The following C6orf58 variants were observed in gnomAD, a reference collection of about 807,000 sequenced individuals.
C6orf58 encodes chromosome 6 open reading frame 58.
Under a neutral mutation model 37.0 loss-of-function variants are expected in C6orf58, and 30 were observed. That is an observed-to-expected ratio of 0.81 (90% CI 0.61 to 1.10). The LOEUF is 1.10. Among genes scored for constraint, C6orf58 ranks in the 50% least tolerant of loss-of-function variants. The probability of loss-of-function intolerance (pLI) is 0.00; values close to 1 mark genes in which losing one functional copy is unlikely to be tolerated. For synonymous variants in C6orf58, 143 were observed against 134.1 expected (o/e 1.07, Z -0.46); for missense variants, 368 against 387.5 (o/e 0.95, Z 0.42).
chr6:127,577,502 G>T lies in C6orf58; in HGVS notation c.301+16G>T. ...TATAGGACAGGTAAGAATGACTCTT[G>T]TTTTCATTGTAATGATCTACCGATA... On this transcript the variant is annotated intron_variant, in intron 1 of 5. Coordinates refer to ENST00000329722, the MANE Select transcript of C6orf58 (RefSeq NM_001010905.3). 1 of 1,609,140 alleles carries T rather than the reference G, an allele frequency of 6.2e-7. No individual in the cohort carries two copies. The highest frequency in any genetic ancestry group is 1.7e-4 in the Middle Eastern group (1 of 6,024).
chr6:127,580,443 T>C lies in C6orf58; in HGVS notation c.567T>C (p.Phe189=), dbSNP rs1274305552. ...AGACAATGAACAAGTGGAACACCTT[T>C]TACCAGGTTCCTTCTTTATACTCTT... The part of the protein sequence containing the change: ...FPETMNKWNT[F]YQYLQSPFSK... The change falls in exon 3 of 6, where the codon TTT becomes TTC. Residue 189 remains phenylalanine (F), a synonymous_variant. Transcript: ENST00000329722. 12 of 1,610,624 alleles carry C rather than the reference T, an allele frequency of 7.5e-6. No individual in the cohort carries two copies. The highest frequency in any genetic ancestry group is 1.3e-5 in the African/African-American group (1 of 74,950).
intron 4 of C6orf58, among the ~76,000 whole-genome samples, chr6:127,587,022 C>A (rs1355033348): frequency 6.6e-6 from 1 of 152,154 alleles, no homozygotes; most frequent in East Asian, 1.9e-4. Context: ...AGACTTAAAT[C>A]GAGGAGAATT....
At chr6:127,581,024 G>C (rs1161978173) in intron 3 of C6orf58, among the ~76,000 whole-genome samples, 158 bp from the exon 4 acceptor site, 4 of 152,160 alleles carry the variant, frequency 2.6e-5, no homozygotes, top group South Asian at 4.1e-4. Context: ...GTTATTTAAA[G>C]AGTGTTAGGC....
chr6:127,583,776 T>C (rs962017991), intron 4 of C6orf58, among the ~76,000 whole-genome samples: 28 of 152,332 alleles, frequency 1.8e-4, no homozygotes, highest in African/African-American at 6.5e-4. Context: ...GCAAAGGGCT[T>C]CTTTTATCTG....
intron 4 of C6orf58, among the ~76,000 whole-genome samples, chr6:127,588,876 T>C (rs1250652410): frequency 6.6e-6 from 1 of 152,188 alleles, no homozygotes; most frequent in Non-Finnish European, 1.5e-5. Context: ...TCATCTTTGC[T>C]TGGTAGGTGA....
intron 4 of C6orf58, 121 bp downstream of exon 4, chr6:127,581,403 C>G (rs1396647537): frequency 5.2e-6 from 2 of 388,054 alleles, no homozygotes; most frequent in Non-Finnish European, 9.0e-6. Context: ...ATAAGCCTAA[C>G]CATTGGAGAT....
intron 4 of C6orf58, among the ~76,000 whole-genome samples, chr6:127,584,206 G>A (rs185785399): frequency 6.6e-6 from 1 of 152,164 alleles, no homozygotes; most frequent in Non-Finnish European, 1.5e-5. Context: ...ACTGAAGGTG[G>A]CAATTGAATT....
chr6:127,590,469 C>G, intron 5 of C6orf58, 144 bp downstream of exon 5: 1 of 621,980 alleles, frequency 1.6e-6, no homozygotes, highest in East Asian at 2.7e-5. Flanking sequence ...ATTTCTTTAG[C>G]AATAATCACT....
intron 5 of C6orf58, among the ~76,000 whole-genome samples, chr6:127,590,647 T>C (rs1043784487): frequency 5.4e-5 from 8 of 147,420 alleles, no homozygotes; most frequent in African/African-American, 2.0e-4. Flanking sequence ...TCAGATCATT[T>C]AAAAAAAAAA....
In C6orf58 at chr6:127,581,167, A is replaced by G; in HGVS notation, c.574-15A>G. 8.1e-7 allele frequency: 1 copy of G among 1,236,084 alleles called. No homozygotes were observed. Among genetic ancestry groups the G allele is most frequent in the Non-Finnish European group, 1.1e-6 (1 of 897,372 alleles). The allele number at this position is 1,236,084 out of a possible 1,614,324, so 76.6% of individuals were successfully genotyped here. Reference sequence around the variant, plus strand: ...AGTTGCTCAAATATTAATAAATTTGACCTCTTTACCTTAGTATTTGCAGTC... The same window carrying G: ...AGTTGCTCAAATATTAATAAATTTGGCCTCTTTACCTTAGTATTTGCAGTC... On this transcript the variant is annotated splice_polypyrimidine_tract_variant and intron_variant, in intron 3 of 5. Transcript: ENST00000329722.
chr6:127,590,209 T>C lies in C6orf58; in HGVS notation c.797T>C (p.Met266Thr). The change falls in exon 5 of 6, where the codon ATG becomes ACG. Residue 266 changes from methionine (M) to threonine (T), a missense_variant. Coordinates refer to ENST00000329722, the MANE Select transcript of C6orf58 (RefSeq NM_001010905.3). ...LIRSYKFQKG[M>T]PPRILLNTDV... The stretch of plus-strand genomic sequence containing the variant: ...AGATCATATAAGTTCCAGAAGGGCA[T>C]GCCACCACGAATTCTTCTTAATACT... 6.2e-7 allele frequency: 1 copy of C among 1,613,856 alleles called. No individual in the cohort carries two copies. Among genetic ancestry groups the C allele is most frequent in the Non-Finnish European group, 8.5e-7 (1 of 1,179,788 alleles).
intron 5 of C6orf58, 66 bp downstream of exon 5, chr6:127,590,391 T>G: frequency 1.0e-6 from 1 of 986,212 alleles, no homozygotes; most frequent in African/African-American, 1.6e-5. Flanking sequence ...GAAGAAATAA[T>G]AATTAAATCA....
intron 4 of C6orf58, among the ~76,000 whole-genome samples, chr6:127,586,966 A>G (rs1775113593): frequency 1.3e-5 from 2 of 152,164 alleles, no homozygotes; most frequent in South Asian, 4.1e-4. Context: ...AAGTCTTTTA[A>G]TCTCCCTGAT....
chr6:127,590,596 G>GT (rs899425816), intron 5 of C6orf58, among the ~76,000 whole-genome samples: 38 of 151,640 alleles, frequency 2.5e-4, no homozygotes, highest in African/African-American at 8.7e-4. Context: ...AAACACTTTT[G>GT]TTTTGTTCTA....
At chr6:127,589,737 C>T (rs111299996) in intron 4 of C6orf58, among the ~76,000 whole-genome samples, 4,242 of 152,218 alleles carry the variant, frequency 0.028, 77 homozygotes, top group Non-Finnish European at 0.039. Context: ...AAAAATTTTG[C>T]TTTAGACCTT....
At chr6:127,584,829 T>C (rs1463034108) in intron 4 of C6orf58, among the ~76,000 whole-genome samples, 4 of 151,444 alleles carry the variant, frequency 2.6e-5, no homozygotes, top group African/African-American at 9.7e-5. Flanking sequence ...ATCAGGTCAA[T>C]AGCTTGCTTA....
At chr6:127,578,168 G>T (rs775571068) in intron 1 of C6orf58, among the ~76,000 whole-genome samples, 11 of 152,032 alleles carry the variant, frequency 7.2e-5, no homozygotes, top group Non-Finnish European at 1.5e-4. Flanking sequence ...GAAAAACAAT[G>T]ATTATTTTCT....
At position 127,580,282 on chromosome 6, in the gene C6orf58, T is replaced by C. The variant is rs778240061; in HGVS notation, c.406T>C (p.Ser136Pro). The change falls in exon 3 of 6, where the codon TCT (serine) becomes CCT (proline). Residue 136 changes from serine (S) to proline (P), a missense_variant. Transcript: ENST00000329722. ...SWWADLNYFL[S>P]SLPFLAAVDS... ...TCTTACAGATTTGAATTATTTTCTG[T>C]CTTCATTACCCTTTCTTGCTGCGGT... 1 of 1,610,658 alleles carries C rather than the reference T, an allele frequency of 6.2e-7. No individual in the cohort carries two copies. Among genetic ancestry groups the C allele is most frequent in the Non-Finnish European group, 8.5e-7 (1 of 1,177,842 alleles).
chr6:127,587,525 T>G (rs1356773993), intron 4 of C6orf58, among the ~76,000 whole-genome samples: 2 of 152,198 alleles, frequency 1.3e-5, no homozygotes, highest in Non-Finnish European at 2.9e-5. Flanking sequence ...GTGCTCTGAT[T>G]TGTTAATCTA....
Sources: gnomAD v4.1 joint callset for allele counts (sites outside exome capture counted in the v4.1 genomes callset) on GRCh38, gnomAD v4.1.1 for gene constraint, MANE v1.5 for transcripts, NCBI Gene and HGNC (gene_info 2026-07-23, HGNC 2026-07-21) for gene names.